Variants in TP53BP1 observed in about 807,000 individuals in gnomAD.
TP53BP1 encodes TP53-binding protein 1.
TP53BP1 carries 61 observed loss-of-function variants against 200.8 expected under a neutral mutation model. That is an observed-to-expected ratio of 0.30 (90% CI 0.25 to 0.38). TP53BP1 has a LOEUF of 0.38. TP53BP1 is among the 10% of genes least tolerant of loss of function. TP53BP1 has a pLI of 1.00. For synonymous variants in TP53BP1, 822 were observed against 844.3 expected (o/e 0.97, Z 0.46); for missense variants, 2,144 against 2,371.9 (o/e 0.90, Z 2.00).
Position 43,404,720 on chromosome 15 carries a change from CTAG to C in TP53BP1, c.*2660_*2662del. The C allele has an allele frequency of 2.8e-6, 2 of 714,958 alleles. No individual in the cohort carries two copies. The highest frequency in any genetic ancestry group is 1.8e-5 in the African/African-American group (1 of 56,036). The allele number at this position is 714,958 out of a possible 1,614,324, so 44.3% of individuals were successfully genotyped here. On this transcript the variant is annotated 3_prime_UTR_variant, in exon 28 of 28. Coordinates refer to ENST00000382044, the MANE Select transcript of TP53BP1 (RefSeq NM_001141980.3). Reference sequence around the variant, plus strand: ...TAATAATTTTAATGGAGGTTATTTTCTAGTAGAAGTCATCATCATCATAAAATA... The same window carrying C: ...TAATAATTTTAATGGAGGTTATTTTCTAGAAGTCATCATCATCATAAAATA...
rs149269104 is a variant in TP53BP1 at position 43,428,415 on chromosome 15, A to T, written c.3676-247T>A. The stretch of plus-strand genomic sequence containing the variant: ...ACCTATTCTTGTCTAAATCAAAATC[A>T]TTACATCTAGTACTTGTATTTACGG... On this transcript the variant is annotated intron_variant, in intron 17 of 27. Transcript: ENST00000382044. 2.6e-5 allele frequency among the ~76,000 whole-genome samples: 4 copies of T among 152,326 alleles called. No individual in the cohort carries two copies. In the East Asian group the frequency reaches 7.7e-4, roughly 29 times the overall value.
At chr15:43,503,857 G>GA (rs1463268037) in intron 1 of TP53BP1, among the ~76,000 whole-genome samples, 3 of 151,912 alleles carry the variant, frequency 2.0e-5, no homozygotes, top group Non-Finnish European at 4.4e-5. Context: ...AAAATATTCA[G>GA]AAAAAAAGGG....
intron 18 of TP53BP1, 57 bp downstream of exon 18, chr15:43,427,957 CAA>C (rs35437737): frequency 0.044 from 42,127 of 957,030 alleles, no homozygotes; most frequent in South Asian, 0.065. Flanking sequence ...ACCCTGTCTC[CAA>C]AAAAAAAAAA....
rs1035363388 is a variant in TP53BP1 at position 43,405,667 on chromosome 15, A to C, written c.*1716T>G. On this transcript the variant is annotated 3_prime_UTR_variant, in exon 28 of 28. Coordinates refer to ENST00000382044, the MANE Select transcript of TP53BP1 (RefSeq NM_001141980.3). ...ACCAAGTAAGAAAGCAACAGGTAAG[A>C]TAGGCTTTCTCTCTCCCTATACCAA... 6.2e-6 allele frequency: 1 copy of C among 162,476 alleles called. No homozygotes were observed. The highest frequency in any genetic ancestry group is 2.4e-5 in the African/African-American group (1 of 41,636). The allele number at this position is 162,476 out of a possible 1,614,324, so 10.1% of individuals were successfully genotyped here.
intron 1 of TP53BP1, among the ~76,000 whole-genome samples, chr15:43,500,960 G>T (rs1394978693): frequency 6.6e-6 from 1 of 152,152 alleles, no homozygotes; most frequent in Middle Eastern, 3.2e-3. Flanking sequence ...CTTGAGCTCA[G>T]GAGGTCAAGT....
In TP53BP1 at chr15:43,477,238, T is replaced by G. The variant is rs2078897066; in HGVS notation, c.955+355A>C. The stretch of plus-strand genomic sequence containing the variant: ...TGGCATGATCCCGGGAGGCGGAGCT[T>G]GCAGTGAGCCGAGATTGCGCCACTG... On this transcript the variant is annotated intron_variant, in intron 8 of 27. Transcript: ENST00000382044. 1.3e-5 allele frequency among the ~76,000 whole-genome samples: 2 copies of G among 150,206 alleles called. 1 individual carries two copies. The highest frequency in any genetic ancestry group is 4.2e-4 in the South Asian group (2 of 4,768).
chr15:43,410,774 C>A (rs1566913511), intron 24 of TP53BP1, among the ~76,000 whole-genome samples: 2 of 152,158 alleles, frequency 1.3e-5, no homozygotes, highest in African/African-American at 4.8e-5. Flanking sequence ...TCAGTGCCCT[C>A]GTTGTCTGCT....
At chr15:43,476,360 A>C (rs1056490997) in intron 8 of TP53BP1, among the ~76,000 whole-genome samples, 1 of 152,228 alleles carries the variant, frequency 6.6e-6, no homozygotes, top group Non-Finnish European at 1.5e-5. Context: ...AAAAACAGCA[A>C]ATGAGCCTTT....
In TP53BP1 at chr15:43,406,295, G is replaced by A; in HGVS notation, c.*1088C>T. The A allele has an allele frequency of 4.4e-6, 1 of 225,640 alleles. No individual in the cohort carries two copies. Among genetic ancestry groups the A allele is most frequent in the Non-Finnish European group, 9.0e-6 (1 of 111,654 alleles). 14.0% of individuals were successfully genotyped at this position (225,640 alleles called of 1,614,324 possible). Reference sequence around the variant, plus strand: ...AACTGAAAAAGAATGCAGTGTTCTGGCATCAGGTTATAGTCACTGCATCTG... The same window carrying A: ...AACTGAAAAAGAATGCAGTGTTCTGACATCAGGTTATAGTCACTGCATCTG... On this transcript the variant is annotated 3_prime_UTR_variant, in exon 28 of 28. Coordinates refer to ENST00000382044, the MANE Select transcript of TP53BP1 (RefSeq NM_001141980.3).
intron 10 of TP53BP1, among the ~76,000 whole-genome samples, chr15:43,473,912 C>T (rs1595602451): frequency 2.6e-5 from 4 of 152,212 alleles, no homozygotes; most frequent in Admixed American, 1.3e-4. Flanking sequence ...GACTAGGTGC[C>T]GTGGAGCAGG....
At chr15:43,434,384 G>A (rs937199232) in intron 16 of TP53BP1, among the ~76,000 whole-genome samples, 1 of 152,178 alleles carries the variant, frequency 6.6e-6, no homozygotes, top group African/African-American at 2.4e-5. Flanking sequence ...TGAGCAAGAA[G>A]GAAAGGATTC....
At chr15:43,450,263 G>A (rs960840899) in intron 12 of TP53BP1, among the ~76,000 whole-genome samples, 1 of 152,162 alleles carries the variant, frequency 6.6e-6, no homozygotes, top group Non-Finnish European at 1.5e-5. Flanking sequence ...TGTTAAGAAG[G>A]TCTCTCCTAA....
chr15:43,430,675 C>T (rs1264850511), intron 17 of TP53BP1, among the ~76,000 whole-genome samples: 1 of 152,142 alleles, frequency 6.6e-6, no homozygotes, highest in Admixed American at 6.5e-5. Flanking sequence ...TGCCAAGACC[C>T]CCAGTGGATG....
chr15:43,414,985 G>A (rs1033782137), intron 23 of TP53BP1, among the ~76,000 whole-genome samples: 2 of 152,100 alleles, frequency 1.3e-5, no homozygotes, highest in African/African-American at 4.8e-5. Flanking sequence ...TGGGACTACA[G>A]GTGTGAGCCA....
chr15:43,433,236 T>C (rs2045711459), intron 16 of TP53BP1, among the ~76,000 whole-genome samples: 1 of 152,156 alleles, frequency 6.6e-6, no homozygotes, highest in Non-Finnish European at 1.5e-5. Flanking sequence ...TACTGATATA[T>C]CTACAACTAA....
Position 43,448,345 on chromosome 15 carries a change from C to T in TP53BP1, c.2717-860G>A, listed in dbSNP as rs186757538. Among the ~76,000 whole-genome samples the T allele has an allele frequency of 2.0e-3, 298 of 152,138 alleles. 2 individuals carry two copies. The highest frequency in any genetic ancestry group is 6.7e-3 in the African/African-American group (278 of 41,522). ...TACATTTGGGAGAAAATAAGAATTG[C>T]GCCAGACTGCCCTCTTAAAACTAAT... On this transcript the variant is annotated intron_variant, in intron 12 of 27. Transcript: ENST00000382044.
chr15:43,444,598 C>T (rs566931887), intron 14 of TP53BP1, among the ~76,000 whole-genome samples: 3 of 152,166 alleles, frequency 2.0e-5, no homozygotes, highest in Admixed American at 2.0e-4. Context: ...GGCGCTCAAC[C>T]TTCCTGTGCC....
Position 43,479,485 on chromosome 15 carries a change from C to A in TP53BP1, c.700G>T (p.Ala234Ser), listed in dbSNP as rs2078931361. 5 of 1,613,714 alleles carry A rather than the reference C, an allele frequency of 3.1e-6. No individual in the cohort carries two copies. In the African/African-American group the frequency reaches 4.0e-5, roughly 13 times the overall value. ...GGGATGTCCTTGCTGGACTGTTCTG[C>A]TATGGGGATATCTTCGTTGGACTGT... is the stretch of plus-strand genomic sequence containing the variant. Reference protein sequence around the residue: ...EEQSNEDIPIAEQSSKDIPVT... With the variant: ...EEQSNEDIPISEQSSKDIPVT... The change falls in exon 7 of 28, where the codon GCA becomes TCA. Residue 234 changes from alanine (A) to serine (S), a missense_variant. By Grantham distance (99) the Ala-to-Ser change is moderately conservative. This residue lies in a region of TP53BP1 where 1,700 missense variants were observed against 1,710.3 expected (regional missense o/e 0.99). Coordinates refer to ENST00000382044, the MANE Select transcript of TP53BP1 (RefSeq NM_001141980.3).
At chr15:43,412,798 G>C (rs1254131561) in intron 24 of TP53BP1, 1 of 484,060 alleles carries the variant, frequency 2.1e-6, no homozygotes, top group Non-Finnish European at 4.2e-6. Context: ...TCACAGGTTT[G>C]TCATTATTGT....
Sources: gnomAD v4.1 joint callset for allele counts (sites outside exome capture counted in the v4.1 genomes callset) on GRCh38, gnomAD v4.1.1 for gene constraint, gnomAD v4.1.1 regional missense constraint, MANE v1.5 for transcripts, NCBI Gene and HGNC (gene_info 2026-07-23, HGNC 2026-07-21) for gene names.